The following ANKS1B variants were observed in gnomAD, a reference collection of about 807,000 sequenced individuals.
The protein encoded by ANKS1B is ankyrin repeat and sterile alpha motif domain containing 1B.
In ANKS1B, 36 loss-of-function variants were observed where a neutral mutation model predicts 148.3. That is an observed-to-expected ratio of 0.24 (90% CI 0.19 to 0.32). ANKS1B has a LOEUF of 0.32. Among genes scored for constraint, ANKS1B ranks in the 10% least tolerant of loss-of-function variants. ANKS1B has a pLI of 1.00. For synonymous variants in ANKS1B, 542 were observed against 560.8 expected (o/e 0.97, Z 0.47); for missense variants, 1,157 against 1,542.6 (o/e 0.75, Z 4.19).
chr12:99,420,191 T>A (rs989543105), intron 11 of ANKS1B, among the ~76,000 whole-genome samples: 2 of 152,194 alleles, frequency 1.3e-5, no homozygotes, highest in African/African-American at 2.4e-5. Context: ...TTCCATTACA[T>A]CATTCTGTCT....
chr12:98,797,657 A>C (rs1381676394), intron 22 of ANKS1B, among the ~76,000 whole-genome samples: 1 of 152,210 alleles, frequency 6.6e-6, no homozygotes, highest in Non-Finnish European at 1.5e-5. Context: ...TAACTATTTC[A>C]GTCTTTTTTG....
At chr12:99,530,136 G>A (rs2096972796) in intron 9 of ANKS1B, among the ~76,000 whole-genome samples, 1 of 152,172 alleles carries the variant, frequency 6.6e-6, no homozygotes, top group African/African-American at 2.4e-5. Context: ...GATTTGGCCT[G>A]CAGTGAGTCA....
At chr12:99,312,604 T>G (rs751581876) in intron 12 of ANKS1B, among the ~76,000 whole-genome samples, 2 of 152,104 alleles carry the variant, frequency 1.3e-5, no homozygotes, top group African/African-American at 2.4e-5. Context: ...AGCATTGAGT[T>G]AACTAGCAAC....
intron 9 of ANKS1B, among the ~76,000 whole-genome samples, chr12:99,549,619 C>A (rs2097200606): frequency 6.6e-6 from 1 of 152,124 alleles, no homozygotes; most frequent in Admixed American, 6.6e-5. Flanking sequence ...AGCTGTTAAC[C>A]AAACCAGTGG....
At chr12:99,004,885 G>A (rs2099935239) in intron 17 of ANKS1B, among the ~76,000 whole-genome samples, 1 of 152,032 alleles carries the variant, frequency 6.6e-6, no homozygotes, top group Admixed American at 6.6e-5. Flanking sequence ...AGAAGTGAGA[G>A]GGCAGAAGGT....
At chr12:99,768,912 C>A (rs1309759818) in intron 8 of ANKS1B, among the ~76,000 whole-genome samples, 1 of 150,036 alleles carries the variant, frequency 6.7e-6, no homozygotes, top group African/African-American at 2.5e-5. Flanking sequence ...AACCAGAAGA[C>A]AGCCCTCTGC....
chr12:99,972,771 G>A (rs150203279), intron 1 of ANKS1B, among the ~76,000 whole-genome samples: 185 of 152,078 alleles, frequency 1.2e-3, no homozygotes, highest in African/African-American at 4.3e-3. Context: ...GCCTTCTATT[G>A]GAAGAAGATG....
chr12:98,768,426 TAAAAAAAAAAA>T (rs386377533), intron 25 of ANKS1B, among the ~76,000 whole-genome samples: 44 of 46,694 alleles, frequency 9.4e-4, no homozygotes, highest in African/African-American at 3.9e-3. Context: ...GGGTGCTCTC[TAAAAAAAAAAA>T]AAAAAAAAAA....
chr12:99,874,561 T>A (rs1212329761), intron 1 of ANKS1B, among the ~76,000 whole-genome samples: 1 of 152,188 alleles, frequency 6.6e-6, no homozygotes, highest in Non-Finnish European at 1.5e-5. Context: ...TTAGTCTTTA[T>A]CAAACTAAAA....
At chr12:99,662,704 T>C (rs1004703911) in intron 8 of ANKS1B, among the ~76,000 whole-genome samples, 1 of 152,214 alleles carries the variant, frequency 6.6e-6, no homozygotes, top group African/African-American at 2.4e-5. Flanking sequence ...AATACATTTA[T>C]GACAACCATT....
In ANKS1B at chr12:99,548,334, C is replaced by A. The variant is rs796065630; in HGVS notation, c.1273-43693G>T. Among the ~76,000 whole-genome samples the A allele has an allele frequency of 2.0e-5, 3 of 151,536 alleles. No homozygotes were observed. The South Asian group carries it at 6.2e-4, about 32-fold the overall frequency. ...TTCTGGGTGGCTCTCTACCAAATGGCCCTTTCCCTTTTCCTGTTAACTGTT... is the reference window on the plus strand; with the variant it reads ...TTCTGGGTGGCTCTCTACCAAATGGACCTTTCCCTTTTCCTGTTAACTGTT... On this transcript the variant is annotated intron_variant, in intron 9 of 26. Transcript: ENST00000683438.
At chr12:99,869,450 G>A (rs1369304530) in intron 1 of ANKS1B, among the ~76,000 whole-genome samples, 1 of 151,934 alleles carries the variant, frequency 6.6e-6, no homozygotes, top group Admixed American at 6.6e-5. Flanking sequence ...GAGGCAGGAG[G>A]ATCACCTGAG....
intron 8 of ANKS1B, among the ~76,000 whole-genome samples, chr12:99,684,674 A>T (rs1371700866): frequency 6.6e-6 from 1 of 152,176 alleles, no homozygotes; most frequent in Non-Finnish European, 1.5e-5. Context: ...TTAACTTCAA[A>T]CTATACTATA....
Position 99,573,359 on chromosome 12 carries a change from T to G in ANKS1B, c.1273-68718A>C, listed in dbSNP as rs372188070. Among the ~76,000 whole-genome samples the G allele has an allele frequency of 1.3e-4, 20 of 152,260 alleles. No homozygotes were observed. In the East Asian group the frequency reaches 2.7e-3, roughly 21 times the overall value. ...AAAAATATCTAGACATACATTGACATATGAGATGATTGATTTTTTTAAAAA... is the reference window on the plus strand; with the variant it reads ...AAAAATATCTAGACATACATTGACAGATGAGATGATTGATTTTTTTAAAAA... On this transcript the variant is annotated intron_variant, in intron 9 of 26. Coordinates refer to ENST00000683438, the MANE Select transcript of ANKS1B (RefSeq NM_001352186.2).
At chr12:98,875,859 A>G (rs995144991) in intron 17 of ANKS1B, among the ~76,000 whole-genome samples, 2 of 152,184 alleles carry the variant, frequency 1.3e-5, no homozygotes, top group African/African-American at 4.8e-5. Flanking sequence ...AAAGGACTAC[A>G]GTGATGACAC....
chr12:99,868,875 T>C (rs548258197), intron 1 of ANKS1B, among the ~76,000 whole-genome samples: 132 of 152,146 alleles, frequency 8.7e-4, no homozygotes, highest in African/African-American at 2.9e-3. Flanking sequence ...CTGGCCAACA[T>C]GGCGAAATCC....
At chr12:99,609,861 G>A (rs1019715759) in intron 9 of ANKS1B, among the ~76,000 whole-genome samples, 3 of 152,096 alleles carry the variant, frequency 2.0e-5, no homozygotes, top group Admixed American at 6.6e-5. Flanking sequence ...AACAAATACA[G>A]ATAAAATTTT....
At chr12:99,590,642 A>G (rs1358591563) in intron 9 of ANKS1B, among the ~76,000 whole-genome samples, 2 of 152,206 alleles carry the variant, frequency 1.3e-5, no homozygotes, top group African/African-American at 4.8e-5. Context: ...CATTTAAAAT[A>G]AACTCTAAAG....
chr12:99,898,655 G>C (rs1391598661), intron 1 of ANKS1B, among the ~76,000 whole-genome samples: 1 of 152,040 alleles, frequency 6.6e-6, no homozygotes, highest in Non-Finnish European at 1.5e-5. Flanking sequence ...ACATATAATG[G>C]GTAAATATGG....
Sources: gnomAD v4.1 joint callset for allele counts (sites outside exome capture counted in the v4.1 genomes callset) on GRCh38, gnomAD v4.1.1 for gene constraint, MANE v1.5 for transcripts, NCBI Gene and HGNC (gene_info 2026-07-23, HGNC 2026-07-21) for gene names.